KSR2: variants seen among roughly 807,000 people sequenced by gnomAD.
KSR2 encodes the protein kinase suppressor of ras 2.
In KSR2, 25 loss-of-function variants were observed where a neutral mutation model predicts 107.8. The observed-to-expected ratio is 0.23, with a 90% CI of 0.17 to 0.32. KSR2 has a LOEUF of 0.32. Ranked by LOEUF, KSR2 falls within the 10% of genes least tolerant of loss-of-function variation. The pLI is 1.00. For synonymous variants in KSR2, 480 were observed against 507.0 expected, an observed-to-expected ratio of 0.95 and a Z score of 0.71; for missense variants, 887 against 1,268.9, an observed-to-expected ratio of 0.70 and a Z score of 4.57.
At chr12:117,710,749 G>A (rs1192159513) in intron 4 of KSR2, among the ~76,000 whole-genome samples, 1 of 152,042 alleles carries the variant, frequency 6.6e-6, no homozygotes, top group African/African-American at 2.4e-5. Flanking sequence ...TTAAATAAAC[G>A]GTCAGTACTA....
chr12:117,968,283 CT>C lies in KSR2; in HGVS notation c.-29del. The C allele has an allele frequency of 6.7e-7, 1 of 1,502,996 alleles. No homozygotes were observed. The allele number at this position is 1,502,996 out of a possible 1,614,324, so 93.1% of individuals were successfully genotyped here. On this transcript the variant is annotated 5_prime_UTR_variant, in exon 1 of 20. Transcript: ENST00000339824. ...CTTGCTCTGCAACCCCCTTCCCCTCCTCCTCCTCCCAGAGAGAAAAAAGAGG... is the reference window on the plus strand; with the variant it reads ...CTTGCTCTGCAACCCCCTTCCCCTCCCCTCCTCCCAGAGAGAAAAAAGAGG...
At chr12:117,931,315 C>T (rs961197460) in intron 1 of KSR2, among the ~76,000 whole-genome samples, 2 of 152,182 alleles carry the variant, frequency 1.3e-5, no homozygotes, top group Non-Finnish European at 2.9e-5. Flanking sequence ...TCATTTTTAA[C>T]TATCTCAGCC....
At chr12:117,605,788 C>T (rs1261884082) in intron 5 of KSR2, among the ~76,000 whole-genome samples, 1 of 152,176 alleles carries the variant, frequency 6.6e-6, no homozygotes, top group Admixed American at 6.5e-5. Context: ...GAATACTATG[C>T]AGCCATAAAA....
rs1871325174 is a variant in KSR2 at position 117,469,697 on chromosome 12, G to A, written c.2811C>T (p.Arg937=). 1 of 1,613,446 alleles carries A rather than the reference G, an allele frequency of 6.2e-7. No individual in the cohort carries two copies. The highest frequency in any genetic ancestry group is 8.5e-7 in the Non-Finnish European group (1 of 1,179,682). ...MLEKLPKRNR[R]LSHPGHFWKS... is the part of the protein sequence containing the mutation. ...TCCAGAAATGTCCAGGGTGAGACAG[G>A]CGACGGTTTCGCTTTGGCAGTTTCT... is the stretch of plus-strand genomic sequence containing the variant. The change falls in exon 19 of 20, where the codon CGC becomes CGT. Residue 937 remains arginine, a synonymous_variant. Transcript: ENST00000339824.
intron 1 of KSR2, among the ~76,000 whole-genome samples, chr12:117,952,607 C>T (rs912019569): frequency 2.0e-5 from 3 of 151,980 alleles, no homozygotes; most frequent in Admixed American, 6.6e-5. Flanking sequence ...ACCCGGGAGG[C>T]GGAGGCTACA....
chr12:117,858,867 T>G, intron 2 of KSR2, among the ~76,000 whole-genome samples: 1 of 152,180 alleles, frequency 6.6e-6, no homozygotes, highest in East Asian at 1.9e-4. Context: ...GGCTGAACAG[T>G]CTCAGCAGTT....
chr12:117,550,572 C>T lies in KSR2; in HGVS notation c.1518+4597G>A, dbSNP rs184917207. Among the ~76,000 whole-genome samples, 14 of 152,098 alleles carry T rather than the reference C, an allele frequency of 9.2e-5. No homozygotes were observed. The East Asian group carries it at 2.3e-3, about 25-fold the overall frequency. Reference sequence around the variant, plus strand: ...TATGGGATGGAATGATGAGATAGGCCATTAGGAAGAAGAGCAGAGAGCATT... The same window carrying T: ...TATGGGATGGAATGATGAGATAGGCTATTAGGAAGAAGAGCAGAGAGCATT... On this transcript the variant is annotated intron_variant, in intron 9 of 19. Transcript: ENST00000339824.
chr12:117,515,196 G>C lies in KSR2; in HGVS notation c.2219+9656C>G, dbSNP rs1022339438. Among the ~76,000 whole-genome samples, 3 of 152,108 alleles carry C rather than the reference G, an allele frequency of 2.0e-5. No individual in the cohort carries two copies. The South Asian group carries it at 6.2e-4, about 32-fold the overall frequency. On this transcript the variant is annotated intron_variant, in intron 14 of 19. Coordinates refer to ENST00000339824, the MANE Select transcript of KSR2 (RefSeq NM_173598.6). ...GACCCTATACACAGTAAGTGAGTGG[G>C]GAAATACTCCTTTACTGCACTGTTA...
At chr12:117,591,813 C>T (rs992024889) in intron 5 of KSR2, among the ~76,000 whole-genome samples, 7 of 151,634 alleles carry the variant, frequency 4.6e-5, no homozygotes, top group African/African-American at 1.7e-4. Flanking sequence ...AGACCAGCCT[C>T]GCCAACATGG....
chr12:117,784,065 G>A (rs146312014), intron 3 of KSR2, among the ~76,000 whole-genome samples: 2,160 of 152,194 alleles, frequency 0.014, 25 homozygotes, highest in Non-Finnish European at 0.02. Context: ...CTTTTGTTAC[G>A]GATTCATGGG....
rs1406906108 is a variant in KSR2, at chr12:117,856,221, G to C, written c.322-643C>G. On this transcript the variant is annotated intron_variant, in intron 2 of 19. Transcript: ENST00000339824. ...GAAACACTGGAGTATAGCGTGGAGT[G>C]GGGGAAAGGGACCTAGAAAAGGTAG... is the stretch of plus-strand genomic sequence containing the variant. Among the ~76,000 whole-genome samples, 3 of 152,310 alleles carry C rather than the reference G, an allele frequency of 2.0e-5. 1 individual carries two copies. Among genetic ancestry groups the C allele is most frequent in the Non-Finnish European group, 2.9e-5 (2 of 68,028 alleles).
chr12:117,793,876 CACATACA>C (rs1487427794), intron 3 of KSR2, among the ~76,000 whole-genome samples: 9 of 140,706 alleles, frequency 6.4e-5, no homozygotes, highest in African/African-American at 2.4e-4. Flanking sequence ...CCAATATGCA[CACATACA>C]ACATGCACAC....
intron 14 of KSR2, among the ~76,000 whole-genome samples, chr12:117,518,414 C>T (rs1291369776): frequency 1.3e-5 from 2 of 152,200 alleles, no homozygotes; most frequent in Non-Finnish European, 2.9e-5. Flanking sequence ...TCACTGGTAT[C>T]GTTCCTAAGA....
chr12:117,851,449 G>A (rs1393182131), intron 3 of KSR2, among the ~76,000 whole-genome samples: 1 of 152,118 alleles, frequency 6.6e-6, no homozygotes, highest in Non-Finnish European at 1.5e-5. Flanking sequence ...CAGGTGTGGT[G>A]GTATGCACCT....
At chr12:117,506,446 C>G (rs149865829) in intron 14 of KSR2, among the ~76,000 whole-genome samples, 97 of 152,250 alleles carry the variant, frequency 6.4e-4, no homozygotes, top group African/African-American at 2.3e-3. Context: ...CCTGAGTTGT[C>G]AATTTCAGGT....
chr12:117,552,072 T>A (rs1400152883), intron 9 of KSR2, among the ~76,000 whole-genome samples: 1 of 152,186 alleles, frequency 6.6e-6, no homozygotes, highest in East Asian at 1.9e-4. Flanking sequence ...CCATTTGAAT[T>A]TGCTCAGCCC....
chr12:117,898,297 G>T (rs984921428), intron 1 of KSR2, among the ~76,000 whole-genome samples: 2 of 152,052 alleles, frequency 1.3e-5, no homozygotes, highest in African/African-American at 4.8e-5. Flanking sequence ...TAGGAAAACA[G>T]GAGGTTTTTA....
At chr12:117,740,618 T>C (rs1187597557) in intron 4 of KSR2, among the ~76,000 whole-genome samples, 4 of 123,090 alleles carry the variant, frequency 3.2e-5, no homozygotes, top group African/African-American at 1.2e-4. Flanking sequence ...AAAATATACA[T>C]ATATTATATA....
intron 3 of KSR2, among the ~76,000 whole-genome samples, chr12:117,828,708 T>C (rs1366936318): frequency 6.6e-6 from 1 of 152,198 alleles, no homozygotes; most frequent in Non-Finnish European, 1.5e-5. Context: ...CCCTCAGCCC[T>C]GGCCCTAGGC....
Sources: gnomAD v4.1 joint callset for allele counts (sites outside exome capture counted in the v4.1 genomes callset) on GRCh38, gnomAD v4.1.1 for gene constraint, MANE v1.5 for transcripts, NCBI Gene and HGNC (gene_info 2026-07-23, HGNC 2026-07-21) for gene names.